Variants in DNAAF9 observed in about 807,000 individuals in gnomAD.
DNAAF9 encodes shulin.
In DNAAF9, 90 loss-of-function variants were observed where a neutral mutation model predicts 167.0. The ratio of observed to expected loss-of-function variants is 0.54; its 90% CI spans 0.45 to 0.64. The LOEUF is 0.64. Among genes scored for constraint, DNAAF9 ranks in the 30% least tolerant of loss-of-function variants. The pLI, the probability that DNAAF9 is intolerant of heterozygous loss-of-function variation, is 0.00. For missense variants in DNAAF9, 1,315 were observed against 1,442.2 expected (o/e 0.91, Z 1.43); for synonymous variants, 491 against 508.8 (o/e 0.96, Z 0.47).
chr20:3,310,331 G>GAAAAAGAAAGAA (rs760193128), intron 20 of DNAAF9, among the ~76,000 whole-genome samples: 2 of 79,632 alleles, frequency 2.5e-5, no homozygotes, highest in African/African-American at 4.4e-5. Flanking sequence ...GAAAGAGAAA[G>GAAAAAGAAAGAA]AAAAAGAAAG....
In DNAAF9 at chr20:3,395,223, G is replaced by A. The variant is rs1466909441; in HGVS notation, c.83+12252C>T. On this transcript the variant is annotated intron_variant, in intron 1 of 36. Coordinates refer to ENST00000252032, the MANE Select transcript of DNAAF9 (RefSeq NM_001009984.3). ...CCTGACCTCGTGATCCGCCCGTCTC[G>A]GCCTCCCAAAGTGCTGGGATTACAG... 7.9e-5 allele frequency among the ~76,000 whole-genome samples: 11 copies of A among 138,832 alleles called. 1 individual carries two copies. Among genetic ancestry groups the A allele is most frequent in the East Asian group, 2.0e-4 (1 of 4,902 alleles). 91.1% of individuals were successfully genotyped at this position (138,832 alleles called of 152,430 possible). A position where few individuals can be genotyped will look rare whatever the true frequency, so the allele number is the denominator to read the frequency against.
intron 1 of DNAAF9, among the ~76,000 whole-genome samples, chr20:3,390,035 CAA>C (rs1162463454): frequency 3.4e-4 from 30 of 87,716 alleles, no homozygotes; most frequent in African/African-American, 3.4e-4. Context: ...GACTCCATCT[CAA>C]AAAAAAAAAA....
intron 27 of DNAAF9, among the ~76,000 whole-genome samples, chr20:3,284,529 C>CAAACTGTAT (rs2068817892): frequency 2.8e-5 from 3 of 105,320 alleles, no homozygotes; most frequent in Non-Finnish European, 4.1e-5. Flanking sequence ...AACTGTATGA[C>CAAACTGTAT]GAAGGCAAAA....
chr20:3,367,345 T>C (rs1256608217), intron 6 of DNAAF9, among the ~76,000 whole-genome samples: 13 of 152,236 alleles, frequency 8.5e-5, no homozygotes, highest in Non-Finnish European at 1.9e-4. Flanking sequence ...TTGTTTCACT[T>C]TCTTATAATT....
intron 10 of DNAAF9, 71 bp downstream of exon 10, chr20:3,340,433 T>TCCGGGGGGCCCCCCCCCCCCCCCC: frequency 4.5e-6 from 1 of 221,214 alleles, no homozygotes; most frequent in Non-Finnish European, 9.5e-6. Flanking sequence ...TTTGTCTAGC[T>TCCGGGGGGCCCCCCCCCCCCCCCC]CCCCCCACCC....
chr20:3,308,814 TA>T (rs778450449), intron 20 of DNAAF9, among the ~76,000 whole-genome samples: 594 of 137,526 alleles, frequency 4.3e-3, no homozygotes, highest in Middle Eastern at 7.5e-3. Context: ...CCATCTCTAC[TA>T]AAAAAAAAAA....
intron 6 of DNAAF9, among the ~76,000 whole-genome samples, chr20:3,364,284 TG>T (rs1229307460): frequency 1.3e-5 from 2 of 152,262 alleles, no homozygotes; most frequent in Non-Finnish European, 2.9e-5. Flanking sequence ...TTAAGCCTGA[TG>T]ATCTCTGGAT....
At chr20:3,367,275 G>A (rs1325146131) in intron 6 of DNAAF9, among the ~76,000 whole-genome samples, 1 of 152,240 alleles carries the variant, frequency 6.6e-6, no homozygotes, top group Admixed American at 6.5e-5. Context: ...TTAACGGAAT[G>A]TTTTGGTTGG....
At chr20:3,317,954 C>T (rs981392133) in intron 17 of DNAAF9, among the ~76,000 whole-genome samples, 1 of 152,052 alleles carries the variant, frequency 6.6e-6, no homozygotes, top group Non-Finnish European at 1.5e-5. Context: ...TATAAATAGT[C>T]CTCCTCTCTT....
intron 1 of DNAAF9, among the ~76,000 whole-genome samples, chr20:3,385,298 T>A (rs1295600494): frequency 6.6e-6 from 1 of 152,130 alleles, no homozygotes; most frequent in Non-Finnish European, 1.5e-5. Flanking sequence ...TGCAGATATG[T>A]CCTATTTGTA....
At chr20:3,294,118 A>G (rs1013413394) in intron 25 of DNAAF9, 21 bp downstream of exon 25, 1 of 1,282,520 alleles carries the variant, frequency 7.8e-7, no homozygotes, top group Non-Finnish European at 1.1e-6. Flanking sequence ...AATTCCCAGC[A>G]TATCTGGTGA....
intron 23 of DNAAF9, 125 bp from the exon 24 acceptor site, chr20:3,294,754 C>A: frequency 1.6e-6 from 1 of 640,164 alleles, no homozygotes; most frequent in Non-Finnish European, 2.8e-6. Flanking sequence ...AAACACACAT[C>A]TCAGACTTAA....
At chr20:3,317,997 A>AT (rs1415265554) in intron 17 of DNAAF9, among the ~76,000 whole-genome samples, 1 of 150,076 alleles carries the variant, frequency 6.7e-6, no homozygotes, top group Non-Finnish European at 1.5e-5. Flanking sequence ...GTGCCTGTTC[A>AT]TTTTTTTTGC....
At position 3,345,036 on chromosome 20, in the gene DNAAF9, G is replaced by A. The variant is rs192801912; in HGVS notation, c.790-1305C>T. ...TGGAGTGTTTATTTATTTATTTATT[G>A]AGGCAGAGTTTTGCTCTTGTTGCCC... On this transcript the variant is annotated intron_variant, in intron 8 of 36. Coordinates refer to ENST00000252032, the MANE Select transcript of DNAAF9 (RefSeq NM_001009984.3). Among the ~76,000 whole-genome samples the A allele has an allele frequency of 1.1e-3, 165 of 151,968 alleles. 2 individuals are homozygous for A. The highest frequency in any genetic ancestry group is 3.7e-3 in the African/African-American group (155 of 41,460).
chr20:3,381,588 G>A (rs1447675493), intron 2 of DNAAF9, 90 bp from the exon 3 acceptor site: 13 of 1,382,304 alleles, frequency 9.4e-6, no homozygotes, highest in African/African-American at 4.3e-5. Context: ...AAACCCTGAT[G>A]ATCAAGCTGA....
rs1230073045 is a variant in DNAAF9, at chr20:3,251,049, G to T, written c.*1523C>A. ...TTGTCATCAGTGGCTTTTGGAGCTGGGACTGGAGCACGTGGGTCTTTTCAG... is the reference window on the plus strand; with the variant it reads ...TTGTCATCAGTGGCTTTTGGAGCTGTGACTGGAGCACGTGGGTCTTTTCAG... On this transcript the variant is annotated 3_prime_UTR_variant, in exon 37 of 37. Transcript: ENST00000252032. The T allele has an allele frequency of 2.0e-5, 3 of 152,166 alleles. No individual in the cohort carries two copies. The highest frequency in any genetic ancestry group is 4.4e-5 in the Non-Finnish European group (3 of 68,036). 9.4% of individuals were successfully genotyped at this position (152,166 alleles called of 1,614,324 possible).
At chr20:3,389,896 C>T (rs976711185) in intron 1 of DNAAF9, among the ~76,000 whole-genome samples, 1 of 152,030 alleles carries the variant, frequency 6.6e-6, no homozygotes, top group African/African-American at 2.4e-5. Flanking sequence ...ATTAGCCTGG[C>T]GTGATGGCGT....
chr20:3,339,896 TAAACAAAC>T (rs1013227741), intron 10 of DNAAF9, among the ~76,000 whole-genome samples: 1 of 152,042 alleles, frequency 6.6e-6, no homozygotes. Context: ...TCTCAAAAAA[TAAACAAAC>T]AAACAAAAAA....
chr20:3,263,141 A>C (rs1009535432), intron 31 of DNAAF9, among the ~76,000 whole-genome samples: 2 of 151,618 alleles, frequency 1.3e-5, no homozygotes, highest in Non-Finnish European at 1.5e-5. Flanking sequence ...CACCTGGCTA[A>C]TTTTTTGTAT....
Sources: gnomAD v4.1 joint callset for allele counts (sites outside exome capture counted in the v4.1 genomes callset) on GRCh38, gnomAD v4.1.1 for gene constraint, MANE v1.5 for transcripts, NCBI Gene and HGNC (gene_info 2026-07-23, HGNC 2026-07-21) for gene names.